KPNA7: variants seen among roughly 807,000 people sequenced by gnomAD.
KPNA7 encodes importin subunit alpha-8.
A neutral mutation model predicts 53.7 loss-of-function variants in KPNA7; 54 were observed. That is an observed-to-expected ratio of 1.01 (90% CI 0.81 to 1.26). The LOEUF is 1.26. KPNA7 is among the 50% of genes most tolerant of loss of function. The pLI is 0.00. For synonymous variants in KPNA7, 276 were observed against 259.3 expected, an observed-to-expected ratio of 1.06 and a Z score of -0.62; for missense variants, 640 against 644.5, an observed-to-expected ratio of 0.99 and a Z score of 0.07.
chr7:99,202,149 A>G (rs13224433), intron 3 of KPNA7, among the ~76,000 whole-genome samples: 10,751 of 152,198 alleles, frequency 0.071, 443 homozygotes, highest in South Asian at 0.15. Flanking sequence ...GAATGGGAAC[A>G]CATCATTGGA....
rs1390000308 is a variant in KPNA7, at chr7:99,184,919, C to T, written c.1134+10G>A. On this transcript the variant is annotated intron_variant, in intron 8 of 10. Transcript: ENST00000327442. Reference sequence around the variant, plus strand: ...AGTCCTTTGCCATGGTTGCTGTGTGCGCCACTTACGTTTTTTAGCAGAGCC... The same window carrying T: ...AGTCCTTTGCCATGGTTGCTGTGTGTGCCACTTACGTTTTTTAGCAGAGCC... 3.6e-5 allele frequency: 56 copies of T among 1,549,008 alleles called. No individual in the cohort carries two copies. Among genetic ancestry groups the T allele is most frequent in the Middle Eastern group, 3.4e-4 (2 of 5,962 alleles).
At chr7:99,159,092 T>C in the KPNA7 span, among the ~76,000 whole-genome samples, 1 of 152,094 alleles carries the variant, frequency 6.6e-6, no homozygotes, top group Non-Finnish European at 1.5e-5. Flanking sequence ...CTTGAACTCC[T>C]GACCTTAGGT....
the KPNA7 span, among the ~76,000 whole-genome samples, chr7:99,165,406 G>T: frequency 6.6e-6 from 1 of 151,848 alleles, no homozygotes; most frequent in Admixed American, 6.6e-5. Context: ...TCTCCCAGTT[G>T]CCCCCATCTC....
Position 99,205,807 on chromosome 7 carries a change from C to T in KPNA7, c.66+1594G>A, listed in dbSNP as rs190007356. On this transcript the variant is annotated intron_variant, in intron 2 of 10. Coordinates refer to ENST00000327442, the MANE Select transcript of KPNA7 (RefSeq NM_001145715.3). ...CAGAGGTTGCAGTGAGCCAAGATCA[C>T]ACTGCTGCACTCCAGCCTGGACTAT... Among the ~76,000 whole-genome samples, 167 of 152,282 alleles carry T rather than the reference C, an allele frequency of 1.1e-3. 1 individual carries two copies. In the South Asian group the frequency reaches 0.012, roughly 11 times the overall value.
chr7:99,156,610 C>T, the KPNA7 span, among the ~76,000 whole-genome samples: 386 of 152,156 alleles, frequency 2.5e-3, 1 homozygote, highest in African/African-American at 8.6e-3. Context: ...CTGCAACCTC[C>T]GCCTCCCAGG....
At chr7:99,203,055 C>A in intron 3 of KPNA7, 51 bp downstream of exon 3, 1 of 1,535,018 alleles carries the variant, frequency 6.5e-7, no homozygotes, top group East Asian at 2.5e-5. Flanking sequence ...GCCAGAGACA[C>A]TTGCTAAGAA....
the KPNA7 span, among the ~76,000 whole-genome samples, chr7:99,158,619 T>A: frequency 6.6e-6 from 1 of 152,042 alleles, no homozygotes; most frequent in African/African-American, 2.4e-5. Context: ...TTCTCATGCC[T>A]CACCCTCCTG....
In KPNA7 at chr7:99,192,984, TAA is replaced by T. The variant is rs66966638; in HGVS notation, c.636+33_636+34del. 3.2e-3 allele frequency: 3,598 copies of T among 1,116,630 alleles called. 11 individuals are homozygous for T. Among genetic ancestry groups the T allele is most frequent in the African/African-American group, 0.022 (1,366 of 61,300 alleles). The allele number at this position is 1,116,630 out of a possible 1,614,324, so 69.2% of individuals were successfully genotyped here. On this transcript the variant is annotated intron_variant, in intron 6 of 10. Transcript: ENST00000327442. ...TTAAGATTATTTTAAAATTTTAATT[TAA>T]AAAAAAAAAAAGAGAAAGAAAAAGA...
the KPNA7 span, among the ~76,000 whole-genome samples, chr7:99,154,006 A>T: frequency 5.3e-5 from 8 of 152,040 alleles, no homozygotes; most frequent in Non-Finnish European, 1.2e-4. Context: ...AATTGTTATG[A>T]TCCCCTCCCC....
intron 1 of KPNA7, among the ~76,000 whole-genome samples, chr7:99,217,882 C>T (rs562169039): frequency 6.6e-6 from 1 of 152,242 alleles, no homozygotes; most frequent in African/African-American, 2.4e-5. Context: ...CCACGCACCT[C>T]GGCCTCCCAA....
intron 6 of KPNA7, among the ~76,000 whole-genome samples, chr7:99,190,174 T>C (rs1789860330): frequency 1.3e-5 from 2 of 151,780 alleles, no homozygotes; most frequent in African/African-American, 4.8e-5. Flanking sequence ...CCGTCTCTAC[T>C]AAAAACACAA....
the KPNA7 span, among the ~76,000 whole-genome samples, chr7:99,168,337 A>T: frequency 1.3e-5 from 2 of 152,180 alleles, no homozygotes; most frequent in Non-Finnish European, 2.9e-5. Flanking sequence ...TTCTCAGACA[A>T]GTGGCCATAG....
At chr7:99,171,431 C>G (rs1798767025), downstream of KPNA7, among the ~76,000 whole-genome samples, 1 of 21,376 alleles carries the variant, frequency 4.7e-5, no homozygotes, top group African/African-American at 8.4e-5. Context: ...GGATCCCATG[C>G]CTACCTCCTC....
intron 1 of KPNA7, among the ~76,000 whole-genome samples, chr7:99,218,693 A>G (rs894043598): frequency 6.6e-6 from 1 of 152,196 alleles, no homozygotes; most frequent in Non-Finnish European, 1.5e-5. Context: ...TTCAACAGAG[A>G]CAACAGCCTA....
At chr7:99,219,238 GC>G (rs1791289261) in intron 1 of KPNA7, among the ~76,000 whole-genome samples, 1 of 152,166 alleles carries the variant, frequency 6.6e-6, no homozygotes, top group Non-Finnish European at 1.5e-5. Context: ...GCATTTTGAG[GC>G]CCTTGAGTAA....
chr7:99,183,590 T>TA (rs768645437), intron 8 of KPNA7, among the ~76,000 whole-genome samples: 7 of 152,154 alleles, frequency 4.6e-5, no homozygotes, highest in Non-Finnish European at 7.4e-5. Context: ...ACACCTGGTC[T>TA]TTCTCTCTTG....
chr7:99,181,835 C>T lies in KPNA7; in HGVS notation c.1317+48G>A, dbSNP rs749400601. On this transcript the variant is annotated intron_variant, in intron 9 of 10. Coordinates refer to ENST00000327442, the MANE Select transcript of KPNA7 (RefSeq NM_001145715.3). The stretch of plus-strand genomic sequence containing the variant: ...TAAGAGCCACATTAAATGCTTGTAT[C>T]CAGTTGGAGACAGCTATTTACAAAC... 27 of 1,413,066 alleles carry T rather than the reference C, an allele frequency of 1.9e-5. No homozygotes were observed. In the South Asian group the frequency reaches 4.0e-4, roughly 21 times the overall value. 87.5% of individuals were successfully genotyped at this position (1,413,066 alleles called of 1,614,324 possible).
downstream of KPNA7, among the ~76,000 whole-genome samples, chr7:99,169,778 C>T (rs929131428): frequency 3.9e-4 from 59 of 151,830 alleles, no homozygotes; most frequent in African/African-American, 1.4e-3. Context: ...CAGTGGCTCA[C>T]GCCTGTAATC....
intron 8 of KPNA7, among the ~76,000 whole-genome samples, chr7:99,182,284 G>A (rs1286412687): frequency 2.0e-5 from 3 of 152,204 alleles, no homozygotes; most frequent in Non-Finnish European, 4.4e-5. Flanking sequence ...TGCAATCTCC[G>A]CCTCCCAGGT....
Sources: gnomAD v4.1 joint callset for allele counts (sites outside exome capture counted in the v4.1 genomes callset) on GRCh38, gnomAD v4.1.1 for gene constraint, MANE v1.5 for transcripts, NCBI Gene and HGNC (gene_info 2026-07-23, HGNC 2026-07-21) for gene names.